Variants in ADCY3 observed in about 807,000 individuals in gnomAD.
ADCY3 encodes the protein adenylate cyclase 3.
A neutral mutation model predicts 119.4 loss-of-function variants in ADCY3; 70 were observed. The ratio of observed to expected loss-of-function variants is 0.59; its 90% confidence interval spans 0.48 to 0.72. The LOEUF (loss-of-function observed/expected upper bound fraction) is 0.72. ADCY3 is among the 30% of genes least tolerant of loss of function. ADCY3 has a pLI of 0.00. For synonymous variants in ADCY3, 672 were observed against 621.4 expected (o/e 1.08, Z -1.21); for missense variants, 1,238 against 1,541.6 (o/e 0.80, Z 3.30).
chr2:24,915,543 T>C (rs1242746645), intron 2 of ADCY3, among the ~76,000 whole-genome samples: 1 of 152,042 alleles, frequency 6.6e-6, no homozygotes, highest in Admixed American at 6.5e-5. Flanking sequence ...GTGTTTTTTG[T>C]TGTTTTTGTT....
At position 24,823,271 on chromosome 2, in the gene ADCY3, T is replaced by C; in HGVS notation, c.2821A>G (p.Ile941Val). 1.2e-6 allele frequency: 2 copies of C among 1,613,692 alleles called. No homozygotes were observed. The highest frequency in any genetic ancestry group is 1.7e-6 in the Non-Finnish European group (2 of 1,179,952). ...NFADFYTEES[I>V]NNGGIECLRF... ...AGACACTCAATACCACCATTGTTGATGCTCTCCTCTGTGTAGAAGTCAGCA... is the reference window on the plus strand; with the variant it reads ...AGACACTCAATACCACCATTGTTGACGCTCTCCTCTGTGTAGAAGTCAGCA... Residue 941 changes from isoleucine to valine, a missense_variant, in exon 18 of 22, where the codon ATC becomes GTC. Physicochemically the swap from Ile to Val is conservative, Grantham distance 29. Coordinates refer to ENST00000679454, the MANE Select transcript of ADCY3 (RefSeq NM_004036.5).
Position 24,842,239 on chromosome 2 carries a change from C to A in ADCY3, c.956+15G>T. On this transcript the variant is annotated intron_variant, in intron 4 of 21. Coordinates refer to ENST00000679454, the MANE Select transcript of ADCY3 (RefSeq NM_004036.5). This position sits in a 1 kb window ranked among gnomAD's most constrained non-coding sequence, Gnocchi z 4.9. ...CCTGCTCTGCCATCAGAGCCCGCGC[C>A]CCGGGCCGGCGTACCTGACGTTCTC... 6.2e-7 allele frequency: 1 copy of A among 1,613,904 alleles called. No individual in the cohort carries two copies. The highest frequency in any genetic ancestry group is 1.7e-4 in the Middle Eastern group (1 of 6,038).
chr2:24,844,879 CAT>C (rs1421126061), intron 3 of ADCY3, among the ~76,000 whole-genome samples: 1 of 152,210 alleles, frequency 6.6e-6, no homozygotes, highest in African/African-American at 2.4e-5. Flanking sequence ...AGAATTCCCA[CAT>C]GTTGTGGGAG....
At chr2:24,830,546 C>T (rs1395616514) in intron 13 of ADCY3, among the ~76,000 whole-genome samples, 163 bp downstream of exon 13, 2 of 152,198 alleles carry the variant, frequency 1.3e-5, no homozygotes, top group Non-Finnish European at 2.9e-5. Context: ...AGGGACAAGA[C>T]TCCTTCCACT....
chr2:24,848,114 T>A (rs1230519058), intron 3 of ADCY3, among the ~76,000 whole-genome samples: 2 of 152,206 alleles, frequency 1.3e-5, no homozygotes, highest in African/African-American at 4.8e-5. Context: ...AAACTGGCCA[T>A]AAACAAAATC....
At chr2:24,832,659 T>G (rs1233370185) in intron 11 of ADCY3, among the ~76,000 whole-genome samples, 1 of 152,294 alleles carries the variant, frequency 6.6e-6, no homozygotes, top group Non-Finnish European at 1.5e-5. Flanking sequence ...TTGAGTCCTT[T>G]TCTGTCTCTG....
rs578148472 is a variant in ADCY3, at chr2:24,908,950, G to T, written c.675+9363C>A. ...TGGATTCTAAGCCCCCTTCCTTTTT[G>T]ATTCTACACACTCTCCCCAGGCAAC... On this transcript the variant is annotated intron_variant, in intron 2 of 21. Coordinates refer to ENST00000679454, the MANE Select transcript of ADCY3 (RefSeq NM_004036.5). 3.3e-5 allele frequency among the ~76,000 whole-genome samples: 5 copies of T among 152,024 alleles called. No individual in the cohort carries two copies. The East Asian group carries it at 9.7e-4, about 29-fold the overall frequency.
chr2:24,865,425 G>C (rs1674158824), intron 3 of ADCY3, among the ~76,000 whole-genome samples: 1 of 151,900 alleles, frequency 6.6e-6, no homozygotes, highest in Non-Finnish European at 1.5e-5. Context: ...CTCAGCAACA[G>C]AGTGAGACTC....
In ADCY3 at chr2:24,919,289, C is replaced by A; in HGVS notation, c.-197-105G>T. The stretch of plus-strand genomic sequence containing the variant: ...AAAGGATCTCTGCTGCAAGAGCCTC[C>A]CAACCCAGGGCCTTCCCTGCCACCC... On this transcript the variant is annotated intron_variant, in intron 1 of 21. Coordinates refer to ENST00000679454, the MANE Select transcript of ADCY3 (RefSeq NM_004036.5). This position sits in a 1 kb window ranked among gnomAD's most constrained non-coding sequence, Gnocchi z 5.5. The A allele has an allele frequency of 2.9e-6, 1 of 346,142 alleles. No individual in the cohort carries two copies. 21.4% of individuals were successfully genotyped at this position (346,142 alleles called of 1,614,324 possible).
At chr2:24,835,038 T>C (rs1244742128) in intron 9 of ADCY3, 102 bp from the exon 10 acceptor site, 7 of 1,401,454 alleles carry the variant, frequency 5.0e-6, no homozygotes, top group Non-Finnish European at 5.8e-6. Flanking sequence ...AAAGAGGGCA[T>C]ACTCGGAGGA....
rs1427129206 is a variant in ADCY3, at chr2:24,919,011, C to T, written c.-24G>A. ...ATACTGGCTGGTGTCTGCTACTGGC[C>T]CTAGAGAAGTGGACTGGGAACGGAG... On this transcript the variant is annotated 5_prime_UTR_variant, in exon 2 of 22. Coordinates refer to ENST00000679454, the MANE Select transcript of ADCY3 (RefSeq NM_004036.5). This position sits in a 1 kb window ranked among gnomAD's most constrained non-coding sequence, Gnocchi z 5.5. The T allele has an allele frequency of 6.6e-7, 1 of 1,526,666 alleles. No homozygotes were observed. Among genetic ancestry groups the T allele is most frequent in the Middle Eastern group, 1.7e-4 (1 of 5,920 alleles). 94.6% of individuals were successfully genotyped at this position (1,526,666 alleles called of 1,614,324 possible). A position where few individuals can be genotyped will look rare whatever the true frequency, so the allele number is the denominator to read the frequency against.
chr2:24,885,836 T>C (rs1676960847), intron 2 of ADCY3, among the ~76,000 whole-genome samples: 1 of 152,202 alleles, frequency 6.6e-6, no homozygotes, highest in South Asian at 2.1e-4. Context: ...TACCATGAAC[T>C]TGAATCTAAA....
At chr2:24,820,665 G>A in intron 21 of ADCY3, 59 bp downstream of exon 21, 1 of 1,607,016 alleles carries the variant, frequency 6.2e-7, no homozygotes, top group Non-Finnish European at 8.5e-7. Context: ...GGAAAGCACT[G>A]TTCCGGTTTT....
intron 7 of ADCY3, 40 bp downstream of exon 7, chr2:24,839,833 T>A: frequency 6.2e-7 from 1 of 1,613,030 alleles, no homozygotes; most frequent in Non-Finnish European, 8.5e-7. Flanking sequence ...GACGGTCCCC[T>A]CCCCAGTCCT....
At position 24,828,268 on chromosome 2, in the gene ADCY3, T is replaced by TC. The variant is rs1558410861; in HGVS notation, c.2173-108dup. On this transcript the variant is annotated intron_variant, in intron 13 of 21. Coordinates refer to ENST00000679454, the MANE Select transcript of ADCY3 (RefSeq NM_004036.5). Reference sequence around the variant, plus strand: ...ACGCTCAGCTGCCACCTCCCGCGGCTCCCCCAGAAATACCGGGAAAGATGG... The same window carrying TC: ...ACGCTCAGCTGCCACCTCCCGCGGCTCCCCCCAGAAATACCGGGAAAGATGG... The TC allele has an allele frequency of 8.8e-6, 12 of 1,369,514 alleles. 1 individual carries two copies. Among genetic ancestry groups the TC allele is most frequent in the Middle Eastern group, 2.6e-4 (1 of 3,796 alleles). 84.8% of individuals were successfully genotyped at this position (1,369,514 alleles called of 1,614,324 possible).
chr2:24,851,526 C>A (rs114496373), intron 3 of ADCY3, among the ~76,000 whole-genome samples: 5 of 152,150 alleles, frequency 3.3e-5, no homozygotes, highest in Non-Finnish European at 7.4e-5. Context: ...AAAGGGTTAG[C>A]GGTAGACCCT....
At position 24,836,997 on chromosome 2, in the gene ADCY3, G is replaced by A; in HGVS notation, c.1582C>T (p.Leu528Phe). 6.2e-7 allele frequency: 1 copy of A among 1,614,120 alleles called. No homozygotes were observed. The highest frequency in any genetic ancestry group is 8.5e-7 in the Non-Finnish European group (1 of 1,180,032). ...CCGTTGGGCTCCTTGGTCTCAATGAGGGCAGGGGAGCTGGACTTTGAGGAA... is the reference window on the plus strand; with the variant it reads ...CCGTTGGGCTCCTTGGTCTCAATGAAGGCAGGGGAGCTGGACTTTGAGGAA... ...PASSKSSSPA[L>F]IETKEPNGSA... is the part of the protein sequence containing the mutation. The change falls in exon 9 of 22, where the codon CTC becomes TTC. Residue 528 changes from leucine to phenylalanine, a missense_variant. By Grantham distance (22) the Leu-to-Phe change is conservative. Transcript: ENST00000679454.
chr2:24,821,680 C>A, intron 19 of ADCY3, 40 bp from the exon 20 acceptor site: 2 of 1,608,530 alleles, frequency 1.2e-6, no homozygotes, highest in South Asian at 2.2e-5. Flanking sequence ...AGGGGCCGCT[C>A]ACTGCAGCAG....
chr2:24,875,986 T>TTGGG (rs1553354681), intron 2 of ADCY3, among the ~76,000 whole-genome samples: 1 of 149,152 alleles, frequency 6.7e-6, no homozygotes, highest in African/African-American at 2.5e-5. Flanking sequence ...GACTTCTTTT[T>TTGGG]GGGAGGGGGG....
Sources: gnomAD v4.1 joint callset for allele counts (sites outside exome capture counted in the v4.1 genomes callset) on GRCh38, gnomAD v4.1.1 for gene constraint, Gnocchi (gnomAD v3.1) non-coding constraint, MANE v1.5 for transcripts, NCBI Gene and HGNC (gene_info 2026-07-23, HGNC 2026-07-21) for gene names.